PTPN20: variants seen among roughly 807,000 people sequenced by gnomAD.
PTPN20 encodes protein tyrosine phosphatase non-receptor type 20.
PTPN20 carries 9 observed loss-of-function variants against 35.0 expected under a neutral mutation model. The ratio of observed to expected loss-of-function variants is 0.26; its 90% confidence interval spans 0.15 to 0.45. The LOEUF is 0.45. PTPN20 is among the 20% of genes least tolerant of loss of function. The pLI, the probability that PTPN20 is intolerant of heterozygous loss-of-function variation, is 1.00. For missense variants in PTPN20, 111 were observed against 312.5 expected, an observed-to-expected ratio of 0.36 and a Z score of 4.86; for synonymous variants, 32 against 100.2, an observed-to-expected ratio of 0.32 and a Z score of 4.06.
At chr10:46,925,133 A>G (rs1589206864) in intron 1 of PTPN20, among the ~76,000 whole-genome samples, 2 of 151,256 alleles carry the variant, frequency 1.3e-5, no homozygotes, top group East Asian at 2.0e-4. Flanking sequence ...TGGATAAGGT[A>G]TGGGGCTGGT....
chr10:46,990,197 AC>A (rs2057683911), intron 9 of PTPN20, among the ~76,000 whole-genome samples: 1 of 150,044 alleles, frequency 6.7e-6, no homozygotes, highest in South Asian at 2.1e-4. Flanking sequence ...ATATGGCGAA[AC>A]CCCGTCTCTA....
chr10:46,938,190 C>T (rs1365542808), intron 2 of PTPN20, among the ~76,000 whole-genome samples: 1 of 148,404 alleles, frequency 6.7e-6, no homozygotes, highest in Middle Eastern at 3.4e-3. Context: ...ACCTCGTGAT[C>T]CACCCTCTTC....
At chr10:46,995,039 T>C (rs1369830738) in intron 9 of PTPN20, among the ~76,000 whole-genome samples, 3 of 152,174 alleles carry the variant, frequency 2.0e-5, no homozygotes, top group Non-Finnish European at 4.4e-5. Flanking sequence ...CTTGGAGATC[T>C]CTGAGTTTCC....
intron 9 of PTPN20, among the ~76,000 whole-genome samples, chr10:46,995,518 A>G (rs933508181): frequency 2.0e-5 from 3 of 152,016 alleles, no homozygotes; most frequent in Non-Finnish European, 4.4e-5. Context: ...ATTCATGCCC[A>G]GGGGTCCTGT....
At chr10:46,994,320 C>CTA in intron 9 of PTPN20, among the ~76,000 whole-genome samples, 2 of 113,764 alleles carry the variant, frequency 1.8e-5, no homozygotes, top group Non-Finnish European at 3.5e-5. Context: ...TTCTCTGATG[C>CTA]TCTTTTTTTT....
At chr10:46,941,806 T>A (rs2043614381) in intron 3 of PTPN20, among the ~76,000 whole-genome samples, 1 of 132,680 alleles carries the variant, frequency 7.5e-6, no homozygotes, top group African/African-American at 3.0e-5. Flanking sequence ...CTTAGAACAT[T>A]CCTGGATGGT....
At chr10:46,998,731 T>C (rs1200184641) in intron 9 of PTPN20, among the ~76,000 whole-genome samples, 2 of 152,200 alleles carry the variant, frequency 1.3e-5, no homozygotes, top group African/African-American at 4.8e-5. Flanking sequence ...GGTTTTGATA[T>C]TATATCTTGT....
At chr10:46,952,480 GAT>G (rs1214308476) in intron 5 of PTPN20, among the ~76,000 whole-genome samples, 26 of 142,428 alleles carry the variant, frequency 1.8e-4, no homozygotes, top group Middle Eastern at 3.7e-3. Context: ...ACAAAAATAT[GAT>G]ATATATATAT....
chr10:46,945,280 C>T (rs1365320085), intron 4 of PTPN20, among the ~76,000 whole-genome samples: 1 of 151,920 alleles, frequency 6.6e-6, no homozygotes, highest in Non-Finnish European at 1.5e-5. Flanking sequence ...TTGTTTTATT[C>T]ATGCAACTAT....
chr10:46,997,960 G>T (rs987835956), intron 9 of PTPN20, among the ~76,000 whole-genome samples: 210 of 152,240 alleles, frequency 1.4e-3, no homozygotes, highest in Non-Finnish European at 2.4e-3. Flanking sequence ...ATTATGTGAA[G>T]ATTTGGAGAA....
chr10:46,935,776 A>G (rs1441467669), intron 2 of PTPN20, among the ~76,000 whole-genome samples: 4 of 152,326 alleles, frequency 2.6e-5, no homozygotes, highest in African/African-American at 4.8e-5. Flanking sequence ...ATACATGTGC[A>G]TATGTCTTTA....
intron 5 of PTPN20, among the ~76,000 whole-genome samples, chr10:46,959,788 C>T (rs2049419359): frequency 1.6e-5 from 2 of 127,990 alleles, no homozygotes; most frequent in African/African-American, 3.0e-5. Flanking sequence ...GGACCTTTGA[C>T]AGTTTTGACC....
chr10:46,940,260 ACT>A (rs1249547093), intron 2 of PTPN20, among the ~76,000 whole-genome samples: 2 of 147,660 alleles, frequency 1.4e-5, no homozygotes, highest in Non-Finnish European at 3.0e-5. Flanking sequence ...CAAGAAATAG[ACT>A]CTGAAACACA....
At chr10:46,952,806 T>A (rs1310431108) in intron 5 of PTPN20, among the ~76,000 whole-genome samples, 1 of 151,908 alleles carries the variant, frequency 6.6e-6, no homozygotes, top group Non-Finnish European at 1.5e-5. Context: ...CGTTACTCCA[T>A]TGGAAAGCAG....
chr10:46,963,746 A>G (rs1331743781), intron 5 of PTPN20, among the ~76,000 whole-genome samples: 2 of 93,650 alleles, frequency 2.1e-5, no homozygotes, highest in South Asian at 8.9e-4. Context: ...AGAGGGGTAG[A>G]ATCGGTGTTG....
In PTPN20 at chr10:46,999,993, C is replaced by A. The variant is rs1451720783; in HGVS notation, c.1197+19C>A. On this transcript the variant is annotated intron_variant, in intron 10 of 10. Coordinates refer to ENST00000374339, the MANE Select transcript of PTPN20 (RefSeq NM_001042357.5). ...AACGAAGGTAAGCTTTCACCACATA[C>A]ATAATAATAAGAATAATGAATATAA... 1 of 1,613,534 alleles carries A rather than the reference C, an allele frequency of 6.2e-7. No individual in the cohort carries two copies. The highest frequency in any genetic ancestry group is 1.7e-5 in the Admixed American group (1 of 59,996).
At chr10:46,923,723 G>A (rs1289366256) in intron 1 of PTPN20, among the ~76,000 whole-genome samples, 1 of 151,102 alleles carries the variant, frequency 6.6e-6, no homozygotes, top group South Asian at 2.1e-4. Context: ...TGATACCCAT[G>A]AAACAATTTG....
At chr10:46,917,150 TA>T (rs2033226676) in intron 1 of PTPN20, among the ~76,000 whole-genome samples, 1 of 145,638 alleles carries the variant, frequency 6.9e-6, no homozygotes. Context: ...GTCAGTGAAA[TA>T]AAGGAAGGAA....
At chr10:46,996,858 CA>C (rs1472608369) in intron 9 of PTPN20, among the ~76,000 whole-genome samples, 5 of 152,128 alleles carry the variant, frequency 3.3e-5, no homozygotes, top group African/African-American at 1.2e-4. Flanking sequence ...CTGCCGGTAC[CA>C]CCCTTTGGAT....
Sources: gnomAD v4.1 joint callset for allele counts (sites outside exome capture counted in the v4.1 genomes callset) on GRCh38, gnomAD v4.1.1 for gene constraint, MANE v1.5 for transcripts, NCBI Gene and HGNC (gene_info 2026-07-23, HGNC 2026-07-21) for gene names.